The following PNPLA6 variants were observed in gnomAD, a reference collection of about 807,000 sequenced individuals.
PNPLA6 encodes patatin-like phospholipase domain-containing protein 6.
Under a neutral mutation model 153.7 loss-of-function variants are expected in PNPLA6, and 105 were observed. The ratio of observed to expected loss-of-function variants is 0.68; its 90% CI spans 0.58 to 0.80. The LOEUF (loss-of-function observed/expected upper bound fraction) is 0.80, where lower values mean the gene tolerates loss of function less well. PNPLA6 is among the 30% of genes least tolerant of loss of function. The probability of loss-of-function intolerance (pLI) is 0.00; values close to 1 mark genes in which losing one functional copy is unlikely to be tolerated. For missense variants in PNPLA6, 1,423 were observed against 1,919.3 expected (o/e 0.74, Z 4.83); for synonymous variants, 825 against 822.2 (o/e 1.00, Z -0.06).
rs192871923 is a variant in PNPLA6 at position 7,535,721 on chromosome 19, T to C, written c.-68T>C. 1.5e-4 allele frequency: 229 copies of C among 1,519,924 alleles called. 2 individuals carry two copies. In the Admixed American group the frequency reaches 4.0e-3, roughly 27 times the overall value. The allele number at this position is 1,519,924 out of a possible 1,614,324, so 94.2% of individuals were successfully genotyped here. On this transcript the variant is annotated 5_prime_UTR_variant, in exon 1 of 32. Coordinates refer to ENST00000600737, the MANE Select transcript of PNPLA6 (RefSeq NM_001166114.2). The surrounding 1 kb of genome is among the most constrained non-coding windows in gnomAD (Gnocchi z 5.0). Reference sequence around the variant, plus strand: ...CGGAACTACGTTTCCCGGCATGCACTGCGGGCCGCCGGGCCTCAGGGAAGA... The same window carrying C: ...CGGAACTACGTTTCCCGGCATGCACCGCGGGCCGCCGGGCCTCAGGGAAGA...
intron 13 of PNPLA6, among the ~76,000 whole-genome samples, chr19:7,545,624 G>A (rs1168272940): frequency 6.6e-6 from 1 of 152,064 alleles, no homozygotes; most frequent in African/African-American, 2.4e-5. Flanking sequence ...CAAGAGGCAG[G>A]AAAATGGCTG....
rs2023637223 is a variant in PNPLA6, at chr19:7,551,259, C to T, written c.2185-103C>T. On this transcript the variant is annotated intron_variant, in intron 17 of 31. Coordinates refer to ENST00000600737, the MANE Select transcript of PNPLA6 (RefSeq NM_001166114.2). Reference sequence around the variant, plus strand: ...AGGGCGGGGGCTCTCGGGGGTGGGACCCAGGTAACGGGCACCCAGGAGCCC... The same window carrying T: ...AGGGCGGGGGCTCTCGGGGGTGGGATCCAGGTAACGGGCACCCAGGAGCCC... The T allele has an allele frequency of 2.2e-5, 27 of 1,253,588 alleles. No individual in the cohort carries two copies. In the South Asian group the frequency reaches 3.1e-4, roughly 14 times the overall value. 77.7% of individuals were successfully genotyped at this position (1,253,588 alleles called of 1,614,324 possible).
At position 7,550,362 on chromosome 19, in the gene PNPLA6, C is replaced by A. The variant is rs781473840; in HGVS notation, c.1879C>A (p.Pro627Thr). The A allele has an allele frequency of 6.2e-7, 1 of 1,612,202 alleles. No individual in the cohort carries two copies. The highest frequency in any genetic ancestry group is 8.5e-7 in the Non-Finnish European group (1 of 1,180,050). Reference sequence around the variant, plus strand: ...GCACACGGTGGCAGCCAGGATGTCGCCCTTCGTGCGCCAGATGGACTTCGC... The same window carrying A: ...GCACACGGTGGCAGCCAGGATGTCGACCTTCGTGCGCCAGATGGACTTCGC... ...AAHTVAARMS[P>T]FVRQMDFAID... Residue 627 changes from proline (P) to threonine (T), a missense_variant, in exon 15 of 32, where the codon CCC becomes ACC. Pro to Thr is a conservative substitution (Grantham distance 38). Coordinates refer to ENST00000600737, the MANE Select transcript of PNPLA6 (RefSeq NM_001166114.2).
At chr19:7,536,624 T>A in intron 3 of PNPLA6, 78 bp downstream of exon 3, 1 of 960,106 alleles carries the variant, frequency 1.0e-6, no homozygotes, top group Non-Finnish European at 1.7e-6. Context: ...CACCAAAGTG[T>A]TGTGGAAGTC....
Position 7,542,802 on chromosome 19 carries a change from T to A in PNPLA6, c.1404T>A (p.Cys468Ter). 4 of 1,613,080 alleles carry A rather than the reference T, an allele frequency of 2.5e-6. No homozygotes were observed. Among genetic ancestry groups the A allele is most frequent in the Non-Finnish European group, 3.4e-6 (4 of 1,179,946 alleles). Residue 468 changes from cysteine (C) to a stop codon, truncating the protein, a stop_gained, in exon 12 of 32, where the codon TGT (cysteine) becomes TGA (stop). Coordinates refer to ENST00000600737, the MANE Select transcript of PNPLA6 (RefSeq NM_001166114.2). LOFTEE classifies it high-confidence loss of function. ...CTCGTGAGCAGCCGGCAGGCGCCTG[T>A]GAATACAGCTACTGTGAGGATGAGT... ...QEPREQPAGA[C>*]EYSYCEDESA...
Position 7,555,803 on chromosome 19 carries a change from C to T in PNPLA6, c.3093+40C>T, listed in dbSNP as rs1301372962. On this transcript the variant is annotated intron_variant, in intron 24 of 31. Transcript: ENST00000600737. This position sits in a 1 kb window ranked among gnomAD's most constrained non-coding sequence, Gnocchi z 6.3. Reference sequence around the variant, plus strand: ...GAGGGATTGCTGCACCCCAGGAGTGCCATAAAACCCGTGGTTCCAACCTAA... The same window carrying T: ...GAGGGATTGCTGCACCCCAGGAGTGTCATAAAACCCGTGGTTCCAACCTAA... 1 of 1,605,080 alleles carries T rather than the reference C, an allele frequency of 6.2e-7. No homozygotes were observed. Among genetic ancestry groups the T allele is most frequent in the Non-Finnish European group, 8.5e-7 (1 of 1,176,726 alleles).
upstream of PNPLA6, chr19:7,535,469 G>C: frequency 7.0e-7 from 1 of 1,431,450 alleles, no homozygotes; most frequent in Non-Finnish European, 9.6e-7. The surrounding 1 kb of genome is among the most constrained non-coding windows in gnomAD (Gnocchi z 5.0). Flanking sequence ...GGCCCAGATT[G>C]ACGACTTGCA....
intron 1 of PNPLA6, 45 bp downstream of exon 1, chr19:7,536,065 G>A (rs757010707): frequency 7.0e-6 from 11 of 1,574,878 alleles, no homozygotes; most frequent in South Asian, 6.8e-5. Flanking sequence ...ATGGTGGGGG[G>A]CCCAAATGCC....
Position 7,553,858 on chromosome 19 carries a change from C to T in PNPLA6, c.2261-17C>T, listed in dbSNP as rs1258656586. The T allele has an allele frequency of 1.2e-6, 2 of 1,614,080 alleles. No individual in the cohort carries two copies. The highest frequency in any genetic ancestry group is 1.7e-5 in the Admixed American group (1 of 60,012). ...ACAGGTTCGCACCACAAATCTCATC[C>T]ATTGGGTTCTTAGCAGGCTCTGGGT... On this transcript the variant is annotated splice_polypyrimidine_tract_variant and intron_variant, in intron 18 of 31. Transcript: ENST00000600737.
rs1568404561 is a variant in PNPLA6 at position 7,536,491 on chromosome 19, G to GC, written c.360dup (p.Thr121HisfsTer42). 6.2e-7 allele frequency: 1 copy of GC among 1,613,864 alleles called. No individual in the cohort carries two copies. The highest frequency in any genetic ancestry group is 2.2e-5 in the East Asian group (1 of 44,864). On this transcript the variant is annotated frameshift_variant, in exon 3 of 32. Transcript: ENST00000600737. LOFTEE classifies it high-confidence loss of function. ...CTCCCTCGTGGATACCTCTGTCTCCGCCACCTCCCGGCCACGCATGAGGAA... is the reference window on the plus strand; with the variant it reads ...CTCCCTCGTGGATACCTCTGTCTCCGCCCACCTCCCGGCCACGCATGAGGAA...
At position 7,540,822 on chromosome 19, in the gene PNPLA6, G is replaced by T; in HGVS notation, c.796-101G>T. The T allele has an allele frequency of 6.4e-7, 1 of 1,565,596 alleles. No individual in the cohort carries two copies. The highest frequency in any genetic ancestry group is 1.7e-5 in the Admixed American group (1 of 59,876). ...TCTCTGGTTCATCCGTTATGCTGCC[G>T]ATGGCCCCTCACGGGACTGGCGCCA... is the stretch of plus-strand genomic sequence containing the variant. On this transcript the variant is annotated intron_variant, in intron 6 of 31. Transcript: ENST00000600737. The surrounding 1 kb of genome is among the most constrained non-coding windows in gnomAD (Gnocchi z 6.8).
intron 13 of PNPLA6, among the ~76,000 whole-genome samples, chr19:7,548,108 G>A (rs1025270220): frequency 6.6e-6 from 1 of 151,864 alleles, no homozygotes; most frequent in Non-Finnish European, 1.5e-5. Context: ...CACTTTGAGA[G>A]GCCAAGGCGG....
In PNPLA6 at chr19:7,556,648, C is replaced by T. The variant is rs2023892130; in HGVS notation, c.3211-7C>T. On this transcript the variant is annotated splice_region_variant and splice_polypyrimidine_tract_variant and intron_variant, in intron 25 of 31. Coordinates refer to ENST00000600737, the MANE Select transcript of PNPLA6 (RefSeq NM_001166114.2). ...CTCCTCCCCCACCTCGATCCCTGTCCCCGCAGGACCTGTGGCTGCCTTACT... is the reference window on the plus strand; with the variant it reads ...CTCCTCCCCCACCTCGATCCCTGTCTCCGCAGGACCTGTGGCTGCCTTACT... The T allele has an allele frequency of 6.2e-7, 1 of 1,612,130 alleles. No homozygotes were observed. Among genetic ancestry groups the T allele is most frequent in the Non-Finnish European group, 8.5e-7 (1 of 1,178,356 alleles).
intron 28 of PNPLA6, among the ~76,000 whole-genome samples, chr19:7,559,961 G>A (rs2024032805): frequency 6.6e-6 from 1 of 151,936 alleles, no homozygotes; most frequent in Admixed American, 6.6e-5. Context: ...TCAACATGGT[G>A]AAACCTCATC....
At chr19:7,543,154 C>T (rs1476197118) in intron 13 of PNPLA6, 70 bp downstream of exon 13, 15 of 1,325,532 alleles carry the variant, frequency 1.1e-5, no homozygotes, top group Non-Finnish European at 1.6e-5. Context: ...GACCTCTGAT[C>T]CCTGCCCTTT....
chr19:7,557,949 C>A (rs506104), intron 27 of PNPLA6, among the ~76,000 whole-genome samples: 87,761 of 151,596 alleles, frequency 0.58, 25,725 homozygotes, highest in Admixed American at 0.64. Context: ...TATATATGCA[C>A]ATGCTTTCTC....
At chr19:7,556,766 G>A in intron 26 of PNPLA6, 42 bp downstream of exon 26, 8 of 1,396,498 alleles carry the variant, frequency 5.7e-6, no homozygotes, top group Non-Finnish European at 7.1e-6. Flanking sequence ...CTGACGCCAC[G>A]TGGGGTTGGG....
In PNPLA6 at chr19:7,561,197, C is replaced by T. The variant is rs371325894; in HGVS notation, c.3914-11C>T. On this transcript the variant is annotated splice_polypyrimidine_tract_variant and intron_variant, in intron 30 of 31. Coordinates refer to ENST00000600737, the MANE Select transcript of PNPLA6 (RefSeq NM_001166114.2). ...CAATCCCCTCACCTGTGCCCTGCTC[C>T]CCGATTCCAGGAGAGGAGTCAGATT... 9.1e-4 allele frequency: 1,453 copies of T among 1,601,898 alleles called. 2 individuals carry two copies. Among genetic ancestry groups the T allele is most frequent in the Non-Finnish European group, 1.1e-3 (1,326 of 1,173,494 alleles).
intron 21 of PNPLA6, 35 bp downstream of exon 21, chr19:7,554,758 CG>C (rs35281443): frequency 6.2e-7 from 1 of 1,606,500 alleles, no homozygotes. Context: ...TCACCCACCT[CG>C]GGTCCCGTCC....
Sources: allele counts gnomAD v4.1 joint callset (sites outside exome capture counted in the v4.1 genomes callset), GRCh38; gene constraint gnomAD v4.1.1; non-coding constraint Gnocchi (gnomAD v3.1); transcripts MANE v1.5; gene names NCBI Gene and HGNC (gene_info 2026-07-23, HGNC 2026-07-21).